Variants in ERG observed in about 807,000 individuals in gnomAD.
ERG encodes the protein transcriptional regulator ERG.
A neutral mutation model predicts 55.3 loss-of-function variants in ERG; 9 were observed. The ratio of observed to expected loss-of-function variants is 0.16; its 90% CI spans 0.10 to 0.28. The LOEUF (loss-of-function observed/expected upper bound fraction) is 0.28, where lower values mean the gene tolerates loss of function less well. ERG is among the 10% of genes least tolerant of loss of function. The pLI is 1.00. For missense variants in ERG, 434 were observed against 631.6 expected (o/e 0.69, Z 3.35); for synonymous variants, 223 against 237.3 (o/e 0.94, Z 0.55).
upstream of ERG, among the ~76,000 whole-genome samples, chr21:38,503,235 T>C (rs988307098): frequency 6.6e-6 from 1 of 152,240 alleles, no homozygotes; most frequent in Admixed American, 6.5e-5. Context: ...GCAATGTTGT[T>C]CATTTTTGTA....
At chr21:38,649,760 C>T (rs1334321971) in intron 1 of ERG, among the ~76,000 whole-genome samples, 1 of 152,174 alleles carries the variant, frequency 6.6e-6, no homozygotes, top group East Asian at 1.9e-4. Flanking sequence ...CCTTATAGGA[C>T]GAAACAAGAT....
intron 2 of ERG, among the ~76,000 whole-genome samples, chr21:38,522,211 G>A (rs1021783954): frequency 6.6e-6 from 1 of 151,988 alleles, no homozygotes; most frequent in African/African-American, 2.4e-5. Flanking sequence ...TCATATATAA[G>A]TTTTGACAAG....
At chr21:38,487,915 A>G (rs1467283190) in intron 1 of ERG, among the ~76,000 whole-genome samples, 1 of 152,220 alleles carries the variant, frequency 6.6e-6, no homozygotes, top group African/African-American at 2.4e-5. Context: ...AATACAAAAT[A>G]CATATATTGA....
At chr21:38,530,306 C>T (rs182907372) in intron 2 of ERG, among the ~76,000 whole-genome samples, 44 of 152,218 alleles carry the variant, frequency 2.9e-4, no homozygotes, top group African/African-American at 7.0e-4. Flanking sequence ...GTGATCCACC[C>T]GCCTCGGCCT....
At chr21:38,469,230 T>C (rs1324764981) in intron 1 of ERG, among the ~76,000 whole-genome samples, 1 of 152,180 alleles carries the variant, frequency 6.6e-6, no homozygotes, top group East Asian at 1.9e-4. Context: ...TTGTTTTTAA[T>C]GCCATGTCTA....
intron 1 of ERG, among the ~76,000 whole-genome samples, chr21:38,477,110 C>T (rs2059196334): frequency 6.9e-6 from 1 of 144,296 alleles, no homozygotes; most frequent in Non-Finnish European, 1.5e-5. Context: ...CCTCCCCAGG[C>T]TCAGGTAATC....
chr21:38,375,901 TAAC>T (rs1224359321), downstream of ERG, among the ~76,000 whole-genome samples: 1 of 152,138 alleles, frequency 6.6e-6, no homozygotes, highest in Non-Finnish European at 1.5e-5. Flanking sequence ...CACACTAACT[TAAC>T]AATTCAGCCT....
At chr21:38,643,440 G>C (rs765823428) in intron 1 of ERG, among the ~76,000 whole-genome samples, 1 of 152,124 alleles carries the variant, frequency 6.6e-6, no homozygotes, top group Non-Finnish European at 1.5e-5. Flanking sequence ...GACAGAGTAA[G>C]GTCACAACTC....
chr21:38,498,578 G>A (rs1033235695), upstream of ERG: 2 of 1,064,754 alleles, frequency 1.9e-6, no homozygotes, highest in African/African-American at 1.7e-5. This position sits in a 1 kb window ranked among gnomAD's most constrained non-coding sequence, Gnocchi z 4.6. Flanking sequence ...TTTGGGAGTG[G>A]AGAGATAAGA....
At chr21:38,466,508 T>C (rs1339665730) in intron 1 of ERG, among the ~76,000 whole-genome samples, 1 of 152,042 alleles carries the variant, frequency 6.6e-6, no homozygotes, top group Non-Finnish European at 1.5e-5. Context: ...TCCTACACAG[T>C]GTACTAAGAT....
At chr21:38,422,834 A>AAT (rs977068705) in intron 3 of ERG, among the ~76,000 whole-genome samples, 6 of 152,178 alleles carry the variant, frequency 3.9e-5, no homozygotes, top group African/African-American at 1.4e-4. Flanking sequence ...ACAGCCATAT[A>AAT]ATATATGGCT....
intron 1 of ERG, among the ~76,000 whole-genome samples, chr21:38,629,151 G>T (rs2060342477): frequency 6.6e-6 from 1 of 152,182 alleles, no homozygotes; most frequent in Non-Finnish European, 1.5e-5. Context: ...TCCCCTGTGG[G>T]AGGCAGTGAG....
At chr21:38,587,237 T>C (rs76186517), upstream of ERG, among the ~76,000 whole-genome samples, 16,601 of 152,224 alleles carry the variant, frequency 0.11, 1,058 homozygotes, top group African/African-American at 0.16. Context: ...TGTAATGTAT[T>C]CTTTTCCCAT....
In ERG at chr21:38,477,855, G is replaced by GCAA. The variant is rs1569130314; in HGVS notation, c.18+20505_18+20507dup. On this transcript the variant is annotated intron_variant, in intron 1 of 9. Coordinates refer to ENST00000288319, the MANE Select transcript of ERG (RefSeq NM_182918.4). ...ATGTTACTGACCTGTTAATGTGACT[G>GCAA]CAACTCAGATTTTTTTAAATAGAAA... Among the ~76,000 whole-genome samples the GCAA allele has an allele frequency of 2.6e-5, 4 of 152,192 alleles. No individual in the cohort carries two copies. The South Asian group carries it at 8.3e-4, about 31-fold the overall frequency.
rs1013697946 is a variant in ERG, at chr21:38,554,372, C to A, written c.-41+21290G>T. Among the ~76,000 whole-genome samples, 6 of 152,036 alleles carry A rather than the reference C, an allele frequency of 3.9e-5. No homozygotes were observed. The South Asian group carries it at 6.2e-4, about 16-fold the overall frequency. ...AATTGTTCTACTGTAAAGACACCTG[C>A]ATTATTCACAGCATTATTCACAATA... On this transcript the variant is annotated intron_variant, in intron 2 of 8. Transcript: ENST00000398897.
intron 2 of ERG, among the ~76,000 whole-genome samples, chr21:38,527,370 G>C (rs1489431501): frequency 6.6e-6 from 1 of 152,224 alleles, no homozygotes; most frequent in East Asian, 1.9e-4. Flanking sequence ...CAGAATCTCT[G>C]AGGTGGACCA....
chr21:38,632,419 G>A (rs1304870045), intron 1 of ERG, among the ~76,000 whole-genome samples: 1 of 152,214 alleles, frequency 6.6e-6, no homozygotes, highest in Non-Finnish European at 1.5e-5. Context: ...ATGCACTGTT[G>A]ATGGGTGATA....
chr21:38,659,226 T>G (rs1220467338), intron 1 of ERG, among the ~76,000 whole-genome samples: 1 of 152,224 alleles, frequency 6.6e-6, no homozygotes, highest in Non-Finnish European at 1.5e-5. Context: ...TCTAAAGCCT[T>G]TCTTGAGAAT....
In ERG at chr21:38,392,361, G is replaced by T. The variant is rs931964073; in HGVS notation, c.814+15C>A. The T allele has an allele frequency of 1.9e-6, 3 of 1,558,082 alleles. No individual in the cohort carries two copies. The highest frequency in any genetic ancestry group is 2.6e-6 in the Non-Finnish European group (3 of 1,149,352). The stretch of plus-strand genomic sequence containing the variant: ...TGTGACATGAAACTCAGGGTCATGG[G>T]AGCCAACACTGTACCTTTCGACTGG... On this transcript the variant is annotated intron_variant, in intron 7 of 9. Coordinates refer to ENST00000288319, the MANE Select transcript of ERG (RefSeq NM_182918.4).
Sources: allele counts gnomAD v4.1 joint callset (sites outside exome capture counted in the v4.1 genomes callset), GRCh38; gene constraint gnomAD v4.1.1; non-coding constraint Gnocchi (gnomAD v3.1); transcripts MANE v1.5; gene names NCBI Gene and HGNC (gene_info 2026-07-23, HGNC 2026-07-21).